HGD: variants seen among roughly 807,000 people sequenced by gnomAD.
The protein encoded by HGD is homogentisate oxidase.
A neutral mutation model predicts 60.8 loss-of-function variants in HGD; 61 were observed. The ratio of observed to expected loss-of-function variants is 1.00; its 90% CI spans 0.82 to 1.24. HGD has a LOEUF of 1.24. HGD is among the 50% of genes most tolerant of loss of function. The probability of loss-of-function intolerance (pLI) is 0.00; values close to 1 mark genes in which losing one functional copy is unlikely to be tolerated. For missense variants in HGD, 542 were observed against 547.1 expected (o/e 0.99, Z 0.09); for synonymous variants, 212 against 187.7 (o/e 1.13, Z -1.06).
chr3:120,669,447 G>GCACACACACACACACACA (rs59426684), intron 4 of HGD, among the ~76,000 whole-genome samples: 5 of 145,620 alleles, frequency 3.4e-5, no homozygotes, highest in African/African-American at 1.0e-4. Context: ...GTGCGCATGT[G>GCACACACACACACACACA]CACACACACA....
intron 12 of HGD, among the ~76,000 whole-genome samples, chr3:120,633,902 A>G (rs1940672316): frequency 1.3e-5 from 2 of 152,244 alleles, no homozygotes; most frequent in African/African-American, 2.4e-5. Flanking sequence ...GTATGTGTAT[A>G]AAACAGACCA....
At chr3:120,671,933 A>G (rs1289984805) in intron 3 of HGD, among the ~76,000 whole-genome samples, 1 of 151,956 alleles carries the variant, frequency 6.6e-6, no homozygotes, top group African/African-American at 2.4e-5. Context: ...TGGGAGCTGA[A>G]CAATGAGAAC....
chr3:120,681,787 G>A (rs1247223883), intron 1 of HGD, among the ~76,000 whole-genome samples: 2 of 152,216 alleles, frequency 1.3e-5, no homozygotes, highest in East Asian at 3.8e-4. Flanking sequence ...TTGGGAAAAA[G>A]ACATAGAGAG....
chr3:120,681,286 C>T (rs1271467166), intron 1 of HGD, among the ~76,000 whole-genome samples: 4 of 152,210 alleles, frequency 2.6e-5, no homozygotes, highest in Non-Finnish European at 5.9e-5. Flanking sequence ...CACATGCATG[C>T]GTTGAGCATT....
chr3:120,658,116 A>G (rs931614539), intron 4 of HGD, among the ~76,000 whole-genome samples: 21 of 152,194 alleles, frequency 1.4e-4, no homozygotes, highest in African/African-American at 4.6e-4. Flanking sequence ...TCCTTCTCAC[A>G]TGTCAAAATA....
At chr3:120,674,614 C>A (rs1708087300) in intron 3 of HGD, 1 of 362,810 alleles carries the variant, frequency 2.8e-6, no homozygotes, top group Admixed American at 3.7e-5. Context: ...AGAAGAAGAC[C>A]AAACTATTAG....
chr3:120,632,748 A>G (rs1223216440), intron 13 of HGD, among the ~76,000 whole-genome samples: 1 of 152,200 alleles, frequency 6.6e-6, no homozygotes, highest in Non-Finnish European at 1.5e-5. Context: ...ACATAGTATT[A>G]ATAATGTTCC....
Position 120,633,332 on chromosome 3 carries a change from G to T in HGD, c.1007-4C>A. The T allele has an allele frequency of 1.9e-6, 3 of 1,614,114 alleles. No homozygotes were observed. The highest frequency in any genetic ancestry group is 2.5e-6 in the Non-Finnish European group (3 of 1,180,004). On this transcript the variant is annotated splice_polypyrimidine_tract_variant and splice_region_variant and intron_variant, in intron 12 of 13. Transcript: ENST00000283871. ...ATGAACTCACTCATGCAGTTCCCTG[G>T]GAAGGTTGAAGCAGTATTATTTTTA...
At chr3:120,636,522 C>G (rs41452145) in intron 12 of HGD, among the ~76,000 whole-genome samples, 1 of 152,076 alleles carries the variant, frequency 6.6e-6, no homozygotes, top group Admixed American at 6.5e-5. Context: ...GAGTAACATG[C>G]GAAGTACAGA....
intron 4 of HGD, among the ~76,000 whole-genome samples, chr3:120,657,388 T>C (rs564159800): frequency 1.3e-5 from 2 of 152,312 alleles, no homozygotes; most frequent in African/African-American, 4.8e-5. Context: ...CCAGTTAGAA[T>C]ACTGGGAGTT....
intron 1 of HGD, among the ~76,000 whole-genome samples, chr3:120,680,346 T>G (rs1331340694): frequency 2.6e-5 from 4 of 152,190 alleles, no homozygotes; most frequent in African/African-American, 9.7e-5. Flanking sequence ...GCAATCTGGT[T>G]TTCTGTGTTC....
chr3:120,643,043 G>A (rs1183425611), intron 10 of HGD, among the ~76,000 whole-genome samples: 1 of 152,116 alleles, frequency 6.6e-6, no homozygotes, highest in Non-Finnish European at 1.5e-5. Context: ...AATGATCTGG[G>A]GAACATGCTT....
intron 10 of HGD, 109 bp downstream of exon 10, chr3:120,644,210 T>A: frequency 7.7e-7 from 1 of 1,296,052 alleles, no homozygotes; most frequent in Non-Finnish European, 1.1e-6. Context: ...CGTAGTGGTA[T>A]GATAACAACG....
At chr3:120,645,804 C>A (rs1209503459) in intron 9 of HGD, among the ~76,000 whole-genome samples, 1 of 152,184 alleles carries the variant, frequency 6.6e-6, no homozygotes, top group Non-Finnish European at 1.5e-5. Flanking sequence ...TTATAAATCT[C>A]ACTGACTTAA....
At chr3:120,656,348 T>G (rs954931815) in intron 4 of HGD, among the ~76,000 whole-genome samples, 19 of 152,226 alleles carry the variant, frequency 1.2e-4, no homozygotes, top group African/African-American at 2.4e-5. Context: ...TAGTTTATTT[T>G]ATTTATACTA....
chr3:120,679,493 T>C (rs1239153970), intron 1 of HGD, among the ~76,000 whole-genome samples: 3 of 152,196 alleles, frequency 2.0e-5, no homozygotes, highest in Non-Finnish European at 4.4e-5. Context: ...AAGATATGTA[T>C]GGCTTAACCC....
chr3:120,643,525 T>C (rs2107505731), intron 10 of HGD, among the ~76,000 whole-genome samples: 1 of 152,310 alleles, frequency 6.6e-6, no homozygotes, highest in South Asian at 2.1e-4. Context: ...TAACAATATG[T>C]CTGCTTCAGG....
intron 4 of HGD, 54 bp from the exon 5 acceptor site, chr3:120,652,705 C>T (rs1239374517): frequency 2.5e-6 from 3 of 1,216,410 alleles, no homozygotes; most frequent in Non-Finnish European, 3.6e-6. Context: ...AAACCATAGA[C>T]CTTCTAAATA....
rs951928248 is a variant in HGD, at chr3:120,649,674, C to G, written c.434+1100G>C. 2.2e-4 allele frequency among the ~76,000 whole-genome samples: 33 copies of G among 152,242 alleles called. No individual in the cohort carries two copies. In the East Asian group the frequency reaches 5.8e-3, roughly 27 times the overall value. On this transcript the variant is annotated intron_variant, in intron 6 of 13. Transcript: ENST00000283871. ...TTTTGTTCTTCCCAACTGAAAGGCACCCTGGGTGACTAGGGGCTGAGTTGC... is the reference window on the plus strand; with the variant it reads ...TTTTGTTCTTCCCAACTGAAAGGCAGCCTGGGTGACTAGGGGCTGAGTTGC...
Sources: allele counts gnomAD v4.1 joint callset (sites outside exome capture counted in the v4.1 genomes callset), GRCh38; gene constraint gnomAD v4.1.1; transcripts MANE v1.5; gene names NCBI Gene and HGNC (gene_info 2026-07-23, HGNC 2026-07-21).